PEAR1: variants seen among roughly 807,000 people sequenced by gnomAD.
The protein encoded by PEAR1 is platelet endothelial aggregation receptor 1, also known as multiple EGF-like domains protein 12.
A neutral mutation model predicts 131.2 loss-of-function variants in PEAR1; 113 were observed. That is an observed-to-expected ratio of 0.86 (90% confidence interval 0.74 to 1.01). The LOEUF (loss-of-function observed/expected upper bound fraction) is 1.01. Among genes scored for constraint, PEAR1 ranks in the 50% least tolerant of loss-of-function variants. The probability of loss-of-function intolerance (pLI) is 0.00; values close to 1 mark genes in which losing one functional copy is unlikely to be tolerated. For missense variants in PEAR1, 1,408 were observed against 1,391.1 expected (o/e 1.01, Z -0.19); for synonymous variants, 565 against 523.3 (o/e 1.08, Z -1.09).
chr1:156,913,386 C>G lies in PEAR1; in HGVS notation c.2512-5C>G, dbSNP rs1378893294. 1.2e-6 allele frequency: 2 copies of G among 1,613,074 alleles called. No homozygotes were observed. Among genetic ancestry groups the G allele is most frequent in the East Asian group, 4.5e-5 (2 of 44,878 alleles). On this transcript the variant is annotated splice_polypyrimidine_tract_variant and splice_region_variant and intron_variant, in intron 19 of 22. Transcript: ENST00000292357. ...TGCTCTCCCTCCTGCACTGTCCCCT[C>G]TTAGGTTCCAGGCCCGCTCTTTGCC...
At chr1:156,911,061 C>CTTTT (rs1407573280) in intron 15 of PEAR1, among the ~76,000 whole-genome samples, 2 of 111,006 alleles carry the variant, frequency 1.8e-5, no homozygotes, top group African/African-American at 1.2e-4. Flanking sequence ...TTCTTTCTTT[C>CTTTT]TTTCTTTCTT....
chr1:156,904,471 G>A (rs377147339), intron 2 of PEAR1, among the ~76,000 whole-genome samples: 1 of 152,170 alleles, frequency 6.6e-6, no homozygotes, highest in African/African-American at 2.4e-5. Context: ...TTTCCATACA[G>A]GGAGGAGAGG....
intron 11 of PEAR1, among the ~76,000 whole-genome samples, chr1:156,909,264 A>T (rs1650759510): frequency 6.6e-6 from 1 of 152,212 alleles, no homozygotes; most frequent in Non-Finnish European, 1.5e-5. Context: ...TGAGGCCAAA[A>T]GCCACCTCAC....
intron 2 of PEAR1, 61 bp downstream of exon 2, chr1:156,904,088 G>T (rs1297317145): frequency 7.3e-7 from 1 of 1,367,384 alleles, no homozygotes; most frequent in Admixed American, 1.7e-5. Flanking sequence ...TGTCCCTATT[G>T]TCCCTACTGG....
In PEAR1 at chr1:156,910,369, C is replaced by A. The variant is rs764893338; in HGVS notation, c.1814C>A (p.Ser605Tyr). 6 of 1,597,524 alleles carry A rather than the reference C, an allele frequency of 3.8e-6. No individual in the cohort carries two copies. Among genetic ancestry groups the A allele is most frequent in the African/African-American group, 1.3e-5 (1 of 74,838 alleles). The change falls in exon 14 of 23, where the codon TCC (serine) becomes TAC (tyrosine). Residue 605 changes from serine (S) to tyrosine (Y), a missense_variant. Transcript: ENST00000292357. Reference sequence around the variant, plus strand: ...TGTGCACCCGGATTCCGGGGCCCCTCCTGCCAGAGATGTGAGGCTCCCTAC... The same window carrying A: ...TGTGCACCCGGATTCCGGGGCCCCTACTGCCAGAGATGTGAGGCTCCCTAC... The part of the protein sequence containing the change: ...CVCAPGFRGP[S>Y]CQRSCQPGRY...
In PEAR1 at chr1:156,902,812, C is replaced by T. The variant is rs1649823297; in HGVS notation, c.-9-1106C>T. Among the ~76,000 whole-genome samples the T allele has an allele frequency of 6.6e-6, 1 of 152,110 alleles. No individual in the cohort carries two copies. Reference sequence around the variant, plus strand: ...GGGGATGGGCACTGCGGTAACTCATCCTCTCCTGAGCTCAGGAGCTGAGGC... The same window carrying T: ...GGGGATGGGCACTGCGGTAACTCATTCTCTCCTGAGCTCAGGAGCTGAGGC... On this transcript the variant is annotated intron_variant, in intron 1 of 22. Coordinates refer to ENST00000292357, the MANE Select transcript of PEAR1 (RefSeq NM_001080471.3). The surrounding 1 kb of genome is among the most constrained non-coding windows in gnomAD (Gnocchi z 4.3).
In PEAR1 at chr1:156,904,824, G is replaced by T; in HGVS notation, c.178G>T (p.Glu60Ter). Reference protein sequence around the residue: ...LPSEPCERPWEGPHTCPQPTV... With the variant: ...LPSEPCERPW The stretch of plus-strand genomic sequence containing the variant: ...CTCAGAGCCCTGCGAGCGGCCCTGG[G>T]AGGGCCCCCATACTTGCCCCCAGCC... Residue 60 changes from glutamate to a stop codon, truncating the protein, a stop_gained, in exon 3 of 23, where the codon GAG becomes TAG. Coordinates refer to ENST00000292357, the MANE Select transcript of PEAR1 (RefSeq NM_001080471.3). LOFTEE classifies it high-confidence loss of function. 1 of 1,613,892 alleles carries T rather than the reference G, an allele frequency of 6.2e-7. No homozygotes were observed. Among genetic ancestry groups the T allele is most frequent in the Non-Finnish European group, 8.5e-7 (1 of 1,179,896 alleles).
At chr1:156,912,109 G>A in intron 15 of PEAR1, 138 bp from the exon 16 acceptor site, 5 of 1,076,056 alleles carry the variant, frequency 4.6e-6, no homozygotes, top group Non-Finnish European at 6.4e-6. Context: ...TGAGTCATTG[G>A]TTGCAGATAC....
At chr1:156,898,410 G>C (rs1033253128) in intron 1 of PEAR1, among the ~76,000 whole-genome samples, 3 of 152,206 alleles carry the variant, frequency 2.0e-5, no homozygotes, top group Non-Finnish European at 4.4e-5. Flanking sequence ...GCATACGCAG[G>C]CTTCCTGTTT....
rs759930125 is a variant in PEAR1, at chr1:156,913,802, C to T, written c.2713+42C>T. On this transcript the variant is annotated intron_variant, in intron 21 of 22. Coordinates refer to ENST00000292357, the MANE Select transcript of PEAR1 (RefSeq NM_001080471.3). ...AACAAGGGAGGTGGCTGAGCTGGGG[C>T]TGAGGAACCAGTGCCTCCATGCGGC... is the stretch of plus-strand genomic sequence containing the variant. 3.1e-6 allele frequency: 5 copies of T among 1,611,618 alleles called. No individual in the cohort carries two copies. In the African/African-American group the frequency reaches 6.7e-5, roughly 22 times the overall value.
chr1:156,893,977 A>G (rs1648905577), intron 1 of PEAR1, 140 bp downstream of exon 1: 1 of 152,476 alleles, frequency 6.6e-6, no homozygotes, highest in East Asian at 1.9e-4. Flanking sequence ...GGAGTGTAGA[A>G]AAGAGGGACT....
chr1:156,897,617 C>T (rs141974181), intron 1 of PEAR1, among the ~76,000 whole-genome samples: 1,910 of 152,334 alleles, frequency 0.013, 48 homozygotes, highest in African/African-American at 0.044. Context: ...GAGCAACCCC[C>T]GGCCTCCTTG....
rs750385955 is a variant in PEAR1, at chr1:156,912,856, T to G, written c.2296T>G (p.Ser766Ala). The G allele has an allele frequency of 1.7e-5, 27 of 1,613,982 alleles. No homozygotes were observed. The East Asian group carries it at 5.8e-4, about 35-fold the overall frequency. The stretch of plus-strand genomic sequence containing the variant: ...AGTGATTGGCATTGCAGTGCTGGGG[T>G]CCCTTGTGGTAGCCCTGGTGGCACT... Reference protein sequence around the residue: ...GAVIGIAVLGSLVVALVALFI... With the variant: ...GAVIGIAVLGALVVALVALFI... Residue 766 changes from serine to alanine, a missense_variant, in exon 18 of 23, where the codon TCC becomes GCC. Transcript: ENST00000292357.
Position 156,912,513 on chromosome 1 carries a change from T to G in PEAR1, c.2100T>G (p.Phe700Leu). The change falls in exon 17 of 23, where the codon TTT becomes TTG. Residue 700 changes from phenylalanine to leucine, a missense_variant. By Grantham distance (22) the Phe-to-Leu change is conservative (BLOSUM62 0). Coordinates refer to ENST00000292357, the MANE Select transcript of PEAR1 (RefSeq NM_001080471.3). ...HCLEGCPLGT[F>L]GANCSQPCQC... ...CCCCAGGCTGCCCTCTGGGGACATT[T>G]GGTGCTAACTGCTCCCAGCCATGCC... The G allele has an allele frequency of 6.2e-7, 1 of 1,613,764 alleles. No individual in the cohort carries two copies. Among genetic ancestry groups the G allele is most frequent in the Non-Finnish European group, 8.5e-7 (1 of 1,179,920 alleles).
Position 156,907,677 on chromosome 1 carries a change from G to C in PEAR1, c.712G>C (p.Gly238Arg), listed in dbSNP as rs745657479. The part of the protein sequence containing the change: ...FCPSTHSCQN[G>R]GVFQTPQGSC... ...CCCCAGCACCCATTCTTGCCAAAATGGAGGTGTCTTCCAAACCCCACAGGG... is the reference window on the plus strand; with the variant it reads ...CCCCAGCACCCATTCTTGCCAAAATCGAGGTGTCTTCCAAACCCCACAGGG... The change falls in exon 7 of 23, where the codon GGA becomes CGA. Residue 238 changes from glycine to arginine, a missense_variant. By Grantham distance (125) the Gly-to-Arg change is moderately radical. Transcript: ENST00000292357. The C allele has an allele frequency of 3.7e-6, 6 of 1,613,836 alleles. No homozygotes were observed. The highest frequency in any genetic ancestry group is 4.2e-6 in the Non-Finnish European group (5 of 1,179,896).
At chr1:156,911,170 C>T (rs1190995501) in intron 15 of PEAR1, among the ~76,000 whole-genome samples, 7 of 95,952 alleles carry the variant, frequency 7.3e-5, no homozygotes, top group African/African-American at 2.6e-4. Context: ...TTCTTTCTTT[C>T]CTTTCTTTTC....
At chr1:156,897,614 C>G (rs549191684) in intron 1 of PEAR1, among the ~76,000 whole-genome samples, 38 of 152,336 alleles carry the variant, frequency 2.5e-4, no homozygotes, top group African/African-American at 8.4e-4. Flanking sequence ...GAAGAGCAAC[C>G]CCCGGCCTCC....
chr1:156,899,623 G>A (rs1324665730), intron 1 of PEAR1, among the ~76,000 whole-genome samples: 2 of 152,224 alleles, frequency 1.3e-5, no homozygotes, highest in East Asian at 3.9e-4. Context: ...GGTGCAAGAG[G>A]AGGAGTGGGA....
intron 5 of PEAR1, 38 bp downstream of exon 5, chr1:156,906,406 C>A (rs1371774235): frequency 3.7e-6 from 6 of 1,607,106 alleles, no homozygotes; most frequent in African/African-American, 1.3e-5. Context: ...GCCTCTTGTG[C>A]CTTCAGGGCC....
Sources: allele counts gnomAD v4.1 joint callset (sites outside exome capture counted in the v4.1 genomes callset), GRCh38; gene constraint gnomAD v4.1.1; non-coding constraint Gnocchi (gnomAD v3.1); transcripts MANE v1.5; gene names NCBI Gene and HGNC (gene_info 2026-07-23, HGNC 2026-07-21).